The following CREBBP variants were observed in gnomAD, a reference collection of about 807,000 sequenced individuals.
CREBBP encodes CREB-binding protein.
In CREBBP, 19 loss-of-function variants were observed where a neutral mutation model predicts 265.0. The ratio of observed to expected loss-of-function variants is 0.07; its 90% CI spans 0.05 to 0.11. The LOEUF is 0.11. CREBBP is among the 10% of genes least tolerant of loss of function. The pLI is 1.00. For synonymous variants in CREBBP, 1,457 were observed against 1,223.7 expected (o/e 1.19, Z -3.98); for missense variants, 2,525 against 3,219.0 (o/e 0.78, Z 5.22).
At chr16:3,811,559 C>T (rs571033480) in intron 2 of CREBBP, among the ~76,000 whole-genome samples, 15 of 152,322 alleles carry the variant, frequency 9.8e-5, no homozygotes, top group Non-Finnish European at 1.6e-4. Flanking sequence ...GGAGCTGTCT[C>T]GGCTCACTGC....
At chr16:3,826,514 T>C (rs1022708811) in intron 2 of CREBBP, among the ~76,000 whole-genome samples, 1 of 151,926 alleles carries the variant, frequency 6.6e-6, no homozygotes, top group Admixed American at 6.6e-5. Context: ...AGTGGTAAAG[T>C]CACCATGACA....
chr16:3,802,565 A>G (rs2053738848), intron 3 of CREBBP, among the ~76,000 whole-genome samples: 1 of 152,166 alleles, frequency 6.6e-6, no homozygotes, highest in African/African-American at 2.4e-5. Flanking sequence ...CATAACAGAG[A>G]TGTGCATACA....
chr16:3,794,573 C>G (rs1027249100), intron 3 of CREBBP, among the ~76,000 whole-genome samples: 2 of 152,078 alleles, frequency 1.3e-5, no homozygotes, highest in African/African-American at 4.8e-5. Flanking sequence ...CATTCTTGTC[C>G]TATGCTTTGT....
rs1230721461 is a variant in CREBBP, at chr16:3,737,611, C to T, written c.4395-796G>A. On this transcript the variant is annotated intron_variant, in intron 26 of 30. Transcript: ENST00000262367. ...AGGAGCTGGGATTACGCTAGGCACCCGCCACCACGCCTGGCTCATTTTTTG... is the reference window on the plus strand; with the variant it reads ...AGGAGCTGGGATTACGCTAGGCACCTGCCACCACGCCTGGCTCATTTTTTG... Among the ~76,000 whole-genome samples the T allele has an allele frequency of 4.6e-5, 7 of 151,802 alleles. No homozygotes were observed. In the Middle Eastern group the frequency reaches 0.021, roughly 446 times the overall value.
chr16:3,797,765 C>A (rs1014937607), intron 3 of CREBBP, among the ~76,000 whole-genome samples: 1 of 151,334 alleles, frequency 6.6e-6, no homozygotes, highest in Non-Finnish European at 1.5e-5. Flanking sequence ...TCCTTATCTT[C>A]CCTTTTATTT....
At chr16:3,856,614 G>T (rs1479529184) in intron 1 of CREBBP, among the ~76,000 whole-genome samples, 1 of 152,278 alleles carries the variant, frequency 6.6e-6, no homozygotes, top group South Asian at 2.1e-4. Flanking sequence ...AGCCACTGCA[G>T]CCCAAAATAA....
intron 1 of CREBBP, among the ~76,000 whole-genome samples, chr16:3,870,142 A>T (rs754017977): frequency 9.9e-5 from 15 of 152,268 alleles, no homozygotes; most frequent in South Asian, 2.1e-4. Flanking sequence ...ACTTTTACTT[A>T]TAAAAAAAAA....
At chr16:3,856,563 C>T (rs1040981023) in intron 1 of CREBBP, among the ~76,000 whole-genome samples, 12 of 152,196 alleles carry the variant, frequency 7.9e-5, no homozygotes, top group African/African-American at 2.7e-4. Flanking sequence ...TCAAGAAATA[C>T]TCCTACTTCA....
At chr16:3,842,371 T>C (rs1472033931) in intron 2 of CREBBP, among the ~76,000 whole-genome samples, 1 of 152,126 alleles carries the variant, frequency 6.6e-6, no homozygotes, top group African/African-American at 2.4e-5. Context: ...GGAAAGAGAG[T>C]GTCTGTACGG....
At chr16:3,770,355 G>A (rs565441112) in intron 14 of CREBBP, among the ~76,000 whole-genome samples, 2 of 152,076 alleles carry the variant, frequency 1.3e-5, no homozygotes, top group East Asian at 3.9e-4. Context: ...ATGCTTGTCT[G>A]GTTAAAAAAA....
intron 1 of CREBBP, among the ~76,000 whole-genome samples, chr16:3,867,050 A>C (rs1205567612): frequency 6.6e-6 from 1 of 152,206 alleles, no homozygotes; most frequent in African/African-American, 2.4e-5. Context: ...ATGTTCTTAG[A>C]AGTCCTACCC....
At chr16:3,736,577 G>T (rs988726092) in intron 27 of CREBBP, 73 bp downstream of exon 27, 1 of 1,591,034 alleles carries the variant, frequency 6.3e-7, no homozygotes, top group Non-Finnish European at 8.6e-7. Flanking sequence ...GTATGCGAAT[G>T]CAAGAAAAAG....
chr16:3,766,656 G>A (rs577072920), intron 16 of CREBBP, among the ~76,000 whole-genome samples: 1 of 152,152 alleles, frequency 6.6e-6, no homozygotes, highest in African/African-American at 2.4e-5. Context: ...TTCTCGAGCA[G>A]CTAGAATTAT....
intron 1 of CREBBP, among the ~76,000 whole-genome samples, chr16:3,874,799 C>T (rs1245387145): frequency 2.0e-5 from 3 of 152,166 alleles, no homozygotes; most frequent in Non-Finnish European, 4.4e-5. Flanking sequence ...AGAAATACCT[C>T]TTAGCATGCC....
At chr16:3,730,034 C>T (rs1288155449) in intron 30 of CREBBP, among the ~76,000 whole-genome samples, 160 bp from the exon 31 acceptor site, 1 of 152,020 alleles carries the variant, frequency 6.6e-6, no homozygotes, top group African/African-American at 2.4e-5. Context: ...GTGGGAGACC[C>T]GGACAGGGCG....
At chr16:3,804,341 G>T (rs2141325083) in intron 3 of CREBBP, among the ~76,000 whole-genome samples, 1 of 152,236 alleles carries the variant, frequency 6.6e-6, no homozygotes, top group Middle Eastern at 3.4e-3. Flanking sequence ...CTAAGGATTA[G>T]AGGGAAAAAA....
chr16:3,879,252 AC>A (rs71133665), intron 1 of CREBBP, among the ~76,000 whole-genome samples: 1 of 151,792 alleles, frequency 6.6e-6, no homozygotes, highest in African/African-American at 2.4e-5. Context: ...ACACACACAC[AC>A]ACACACACAA....
chr16:3,779,727 CTACT>C (rs2053229120), intron 8 of CREBBP, among the ~76,000 whole-genome samples: 2 of 152,238 alleles, frequency 1.3e-5, no homozygotes, highest in South Asian at 2.1e-4. Flanking sequence ...AATTTTTAAA[CTACT>C]TATTACTAAA....
At position 3,880,209 on chromosome 16, in the gene CREBBP, T is replaced by A. The variant is rs1311306247; in HGVS notation, c.-293A>T. The A allele has an allele frequency of 8.6e-6, 1 of 116,532 alleles. No individual in the cohort carries two copies. Among genetic ancestry groups the A allele is most frequent in the Non-Finnish European group, 1.8e-5 (1 of 55,938 alleles). 7.2% of individuals were successfully genotyped at this position (116,532 alleles called of 1,614,324 possible). ...GCCTCCCGAGCGCGACACTCCGCGG[T>A]GGGGGCGCCCCGGCGGCCCGGCCGC... On this transcript the variant is annotated 5_prime_UTR_variant, in exon 1 of 31. Coordinates refer to ENST00000262367, the MANE Select transcript of CREBBP (RefSeq NM_004380.3).
Sources: gnomAD v4.1 joint callset for allele counts (sites outside exome capture counted in the v4.1 genomes callset) on GRCh38, gnomAD v4.1.1 for gene constraint, MANE v1.5 for transcripts, NCBI Gene and HGNC (gene_info 2026-07-23, HGNC 2026-07-21) for gene names.